Variants in CFAP74 observed in about 807,000 individuals in gnomAD.
CFAP74 encodes cilia- and flagella-associated protein 74.
CFAP74 carries 124 observed loss-of-function variants against 188.9 expected under a neutral mutation model. The ratio of observed to expected loss-of-function variants is 0.66; its 90% CI spans 0.57 to 0.76. The LOEUF (loss-of-function observed/expected upper bound fraction) is 0.76, where lower values mean the gene tolerates loss of function less well. Ranked by LOEUF, CFAP74 falls within the 30% of genes least tolerant of loss-of-function variation. CFAP74 has a pLI of 0.00. For synonymous variants in CFAP74, 956 were observed against 916.7 expected, an observed-to-expected ratio of 1.04 and a Z score of -0.77; for missense variants, 2,198 against 2,165.2, an observed-to-expected ratio of 1.02 and a Z score of -0.30.
chr1:1,989,878 A>T (rs1326807244), intron 2 of CFAP74, among the ~76,000 whole-genome samples: 1 of 152,196 alleles, frequency 6.6e-6, no homozygotes, highest in African/African-American at 2.4e-5. Context: ...AGGAACCCTG[A>T]GGGTCCCTTA....
intron 25 of CFAP74, among the ~76,000 whole-genome samples, chr1:1,933,736 G>A (rs1652600374): frequency 1.3e-5 from 2 of 152,160 alleles, no homozygotes; most frequent in African/African-American, 2.4e-5. Context: ...AAGACTTTTA[G>A]TTTGTTGTTT....
At position 1,955,725 on chromosome 1, in the gene CFAP74, C is replaced by T. The variant is rs1654569842; in HGVS notation, c.2142G>A (p.Lys714=). The T allele has an allele frequency of 1.2e-6, 2 of 1,613,762 alleles. No individual in the cohort carries two copies. The highest frequency in any genetic ancestry group is 2.2e-5 in the South Asian group (2 of 91,086). ...GCTCCTCCTCCTGCTCCTTGTCCAGCTTCTCCAGCTCCTTCCGGCTCTGCA... is the reference window on the plus strand; with the variant it reads ...GCTCCTCCTCCTGCTCCTTGTCCAGTTTCTCCAGCTCCTTCCGGCTCTGCA... The part of the protein sequence containing the change: ...ADMQSRKELE[K]LDKEQEEEQP... Residue 714 remains lysine (K), a synonymous_variant, in exon 18 of 39, where the codon AAG becomes AAA. Transcript: ENST00000682832.
chr1:1,967,027 G>A (rs1372750400), intron 11 of CFAP74, among the ~76,000 whole-genome samples: 1 of 152,084 alleles, frequency 6.6e-6, no homozygotes, highest in Admixed American at 6.5e-5. Context: ...TAGTAGAGAT[G>A]GGGTTTCACT....
Position 1,921,987 on chromosome 1 carries a change from T to C in CFAP74, c.*300A>G. The C allele has an allele frequency of 2.5e-6, 1 of 402,384 alleles. No homozygotes were observed. The highest frequency in any genetic ancestry group is 4.5e-6 in the Non-Finnish European group (1 of 221,968). 24.9% of individuals were successfully genotyped at this position (402,384 alleles called of 1,614,324 possible). On this transcript the variant is annotated 3_prime_UTR_variant, in exon 39 of 39. Transcript: ENST00000682832. Reference sequence around the variant, plus strand: ...GCCTACAAAAAATTTATTGACAGGCTGTGGAGGGCTCTCCTGGGGGCTGGG... The same window carrying C: ...GCCTACAAAAAATTTATTGACAGGCCGTGGAGGGCTCTCCTGGGGGCTGGG...
At position 1,968,080 on chromosome 1, in the gene CFAP74, G is replaced by A. The variant is rs1570936454; in HGVS notation, c.1245+555C>T. On this transcript the variant is annotated intron_variant, in intron 11 of 38. Transcript: ENST00000682832. The surrounding 1 kb of genome is among the most constrained non-coding windows in gnomAD (Gnocchi z 4.3). ...AGTGAGTGAATGAATGAGTGAATGAGTAAAGAGTGAATGAGTGAATGAATG... is the reference window on the plus strand; with the variant it reads ...AGTGAGTGAATGAATGAGTGAATGAATAAAGAGTGAATGAGTGAATGAATG... Among the ~76,000 whole-genome samples the A allele has an allele frequency of 6.6e-6, 1 of 152,070 alleles. No homozygotes were observed. The highest frequency in any genetic ancestry group is 2.4e-5 in the African/African-American group (1 of 41,388).
At chr1:1,941,892 C>T (rs2102046989) in intron 22 of CFAP74, 136 bp downstream of exon 22, 1 of 958,770 alleles carries the variant, frequency 1.0e-6, no homozygotes, top group Non-Finnish European at 1.4e-6. Flanking sequence ...GTCATGGCCT[C>T]TGCCCCAGAA....
At chr1:1,959,044 A>G in intron 16 of CFAP74, 76 bp downstream of exon 16, 1 of 777,452 alleles carries the variant, frequency 1.3e-6, no homozygotes, top group Non-Finnish European at 2.1e-6. Flanking sequence ...ACCCCCTCCC[A>G]GGAGATGCCG....
intron 1 of CFAP74, among the ~76,000 whole-genome samples, chr1:1,994,580 A>G (rs1657810590): frequency 6.6e-6 from 1 of 152,064 alleles, no homozygotes; most frequent in Admixed American, 6.5e-5. Flanking sequence ...TAGTCTTTGA[A>G]TGGCAGGATT....
intron 14 of CFAP74, among the ~76,000 whole-genome samples, chr1:1,961,084 T>C (rs1168187092): frequency 6.6e-6 from 1 of 152,112 alleles, no homozygotes; most frequent in Non-Finnish European, 1.5e-5. Context: ...AACCGTTGAT[T>C]AGCAGCACTA....
chr1:1,988,462 C>T, intron 4 of CFAP74, 50 bp downstream of exon 4: 1 of 1,600,820 alleles, frequency 6.2e-7, no homozygotes, highest in Non-Finnish European at 8.5e-7. Flanking sequence ...CATGTCACGG[C>T]CTGGGGGGCA....
intron 25 of CFAP74, 98 bp downstream of exon 25, chr1:1,938,757 A>T (rs1056350975): frequency 2.2e-6 from 3 of 1,378,996 alleles, no homozygotes; most frequent in African/African-American, 1.4e-5. Context: ...AGCCAGGCAG[A>T]TGGGGTCAGG....
At position 1,971,097 on chromosome 1, in the gene CFAP74, C is replaced by A. The variant is rs533020405; in HGVS notation, c.889-281G>T. Among the ~76,000 whole-genome samples the A allele has an allele frequency of 7.5e-4, 106 of 140,710 alleles. 1 individual carries two copies. Among genetic ancestry groups the A allele is most frequent in the African/African-American group, 2.9e-3 (101 of 35,110 alleles). The allele number at this position is 140,710 out of a possible 152,430, so 92.3% of individuals were successfully genotyped here. The stretch of plus-strand genomic sequence containing the variant: ...CCTGCACACACTCATACATGCACAC[C>A]TGCACACGTGTGCACACACATGCTC... On this transcript the variant is annotated intron_variant, in intron 9 of 38. Transcript: ENST00000682832.
At chr1:1,927,398 TG>T (rs1651993021) in intron 28 of CFAP74, 1 of 592,518 alleles carries the variant, frequency 1.7e-6, no homozygotes, top group Non-Finnish European at 3.0e-6. Flanking sequence ...GGATTGAGGC[TG>T]TGTGCAGGGG....
At chr1:1,994,439 G>GT (rs1212632863) in intron 1 of CFAP74, among the ~76,000 whole-genome samples, 2 of 152,152 alleles carry the variant, frequency 1.3e-5, no homozygotes, top group African/African-American at 4.8e-5. Flanking sequence ...AATTATTAAT[G>GT]TATCAATGCC....
At chr1:1,977,760 G>C (rs1417441615) in intron 6 of CFAP74, among the ~76,000 whole-genome samples, 1 of 152,192 alleles carries the variant, frequency 6.6e-6, no homozygotes, top group Non-Finnish European at 1.5e-5. Flanking sequence ...ACCCAAGAGA[G>C]ACCTACACTG....
chr1:1,944,738 C>G (rs1653633884), intron 20 of CFAP74, among the ~76,000 whole-genome samples: 1 of 152,164 alleles, frequency 6.6e-6, no homozygotes, highest in East Asian at 1.9e-4. Flanking sequence ...TCCCAAGTAG[C>G]TGGGATTACA....
intron 6 of CFAP74, among the ~76,000 whole-genome samples, chr1:1,983,447 G>A (rs548877656): frequency 2.0e-5 from 3 of 152,350 alleles, no homozygotes; most frequent in Admixed American, 6.5e-5. Context: ...TCACCCCCAG[G>A]GGCATCGAGC....
intron 20 of CFAP74, among the ~76,000 whole-genome samples, chr1:1,944,670 G>A (rs942297721): frequency 2.0e-5 from 3 of 152,160 alleles, no homozygotes; most frequent in East Asian, 1.9e-4. Context: ...GCAATGGTGC[G>A]ATCTCGGCTC....
chr1:1,984,457 G>T (rs575416758), intron 6 of CFAP74: 1 of 152,246 alleles, frequency 6.6e-6, no homozygotes. Flanking sequence ...AAGGAGTGTC[G>T]CAGGGGACAG....
Sources: gnomAD v4.1 joint callset for allele counts (sites outside exome capture counted in the v4.1 genomes callset) on GRCh38, gnomAD v4.1.1 for gene constraint, Gnocchi (gnomAD v3.1) non-coding constraint, MANE v1.5 for transcripts, NCBI Gene and HGNC (gene_info 2026-07-23, HGNC 2026-07-21) for gene names.